The following PAK5 variants were observed in gnomAD, a reference collection of about 807,000 sequenced individuals.
PAK5 encodes the protein p21 (RAC1) activated kinase 5, also known as serine/threonine-protein kinase PAK 5.
PAK5 carries 16 observed loss-of-function variants against 65.9 expected under a neutral mutation model. The observed-to-expected ratio is 0.24, with a 90% CI of 0.16 to 0.37. The LOEUF (loss-of-function observed/expected upper bound fraction) is 0.37. Among genes scored for constraint, PAK5 ranks in the 10% least tolerant of loss-of-function variants. PAK5 has a pLI of 1.00. For missense variants in PAK5, 785 were observed against 903.9 expected (o/e 0.87, Z 1.69); for synonymous variants, 371 against 354.9 (o/e 1.05, Z -0.51).
intron 1 of PAK5, among the ~76,000 whole-genome samples, chr20:9,826,714 AT>A (rs1460107688): frequency 6.6e-6 from 1 of 152,108 alleles, no homozygotes; most frequent in East Asian, 1.9e-4. Flanking sequence ...TTTCTTCCTC[AT>A]TTTATAGTGC....
chr20:9,652,536 C>A (rs1052294071), intron 2 of PAK5, among the ~76,000 whole-genome samples: 4 of 152,220 alleles, frequency 2.6e-5, no homozygotes, highest in African/African-American at 9.6e-5. Flanking sequence ...ATTGGACAGT[C>A]ACTATGTTCC....
At chr20:9,743,836 C>T (rs560051602) in intron 1 of PAK5, among the ~76,000 whole-genome samples, 4 of 152,232 alleles carry the variant, frequency 2.6e-5, no homozygotes, top group Admixed American at 6.5e-5. Context: ...ATTCCTGGAA[C>T]GCATAAGTTT....
rs143329729 is a variant in PAK5 at position 9,574,217 on chromosome 20, C to G, written c.990+5928G>C. Among the ~76,000 whole-genome samples the G allele has an allele frequency of 5.0e-3, 754 of 152,218 alleles. 7 individuals are homozygous for G. The highest frequency in any genetic ancestry group is 0.016 in the African/African-American group (674 of 41,498). On this transcript the variant is annotated intron_variant, in intron 4 of 9. Transcript: ENST00000353224. ...AACTCGTCTGTCTCTCTGGTTGTGC[C>G]CTGCAAATGCACACTGAGAGTTGGA...
At position 9,565,865 on chromosome 20, in the gene PAK5, G is replaced by C. The variant is rs376790900; in HGVS notation, c.1482+28C>G. On this transcript the variant is annotated intron_variant, in intron 5 of 9. Coordinates refer to ENST00000353224, the MANE Select transcript of PAK5 (RefSeq NM_177990.4). The stretch of plus-strand genomic sequence containing the variant: ...TGGGAAATAAATGTTACAAAGGAGA[G>C]AAAGGATGACCCAAACACACTCTTT... The C allele has an allele frequency of 4.4e-6, 7 of 1,580,508 alleles. No homozygotes were observed. In the African/African-American group the frequency reaches 9.5e-5, roughly 21 times the overall value.
intron 1 of PAK5, among the ~76,000 whole-genome samples, chr20:9,785,097 A>ATCATATATC (rs2048979326): frequency 1.3e-5 from 2 of 152,032 alleles, no homozygotes; most frequent in Admixed American, 6.6e-5. Context: ...TATCAAGTTA[A>ATCATATATC]AACTTTAATC....
chr20:9,712,779 G>A (rs1281937955), intron 1 of PAK5, among the ~76,000 whole-genome samples: 1 of 152,092 alleles, frequency 6.6e-6, no homozygotes, highest in African/African-American at 2.4e-5. Context: ...AGGACAGTCT[G>A]TTTAATAAAT....
At chr20:9,785,501 T>C (rs1312548248) in intron 1 of PAK5, among the ~76,000 whole-genome samples, 1 of 152,198 alleles carries the variant, frequency 6.6e-6, no homozygotes, top group Non-Finnish European at 1.5e-5. Flanking sequence ...TCTTTTCCAC[T>C]CTTTGTATTT....
intron 3 of PAK5, among the ~76,000 whole-genome samples, chr20:9,639,652 T>C (rs1312759085): frequency 6.6e-6 from 1 of 152,276 alleles, no homozygotes; most frequent in African/African-American, 2.4e-5. Context: ...CTATAACTAA[T>C]ATTTTAGTCT....
intron 1 of PAK5, among the ~76,000 whole-genome samples, chr20:9,775,209 G>T (rs2048875302): frequency 6.6e-6 from 1 of 151,992 alleles, no homozygotes; most frequent in Admixed American, 6.6e-5. Flanking sequence ...TGTGTCATAG[G>T]GCTATAAAAT....
At chr20:9,712,106 G>A (rs1005258994) in intron 1 of PAK5, among the ~76,000 whole-genome samples, 1 of 152,084 alleles carries the variant, frequency 6.6e-6, no homozygotes, top group Non-Finnish European at 1.5e-5. Flanking sequence ...ATTGTGCTTA[G>A]GAACATGAGA....
At chr20:9,620,753 G>A (rs757715622) in intron 3 of PAK5, among the ~76,000 whole-genome samples, 134 of 152,232 alleles carry the variant, frequency 8.8e-4, no homozygotes, top group Non-Finnish European at 1.6e-3. Context: ...AGATGGTGGA[G>A]GAAGAGAGGG....
At chr20:9,826,156 T>G (rs1222380454) in intron 1 of PAK5, among the ~76,000 whole-genome samples, 11 of 152,196 alleles carry the variant, frequency 7.2e-5, no homozygotes, top group Non-Finnish European at 1.3e-4. Flanking sequence ...TGTGTCTGTA[T>G]TTGTGTGTGT....
chr20:9,605,727 G>C (rs950632863), intron 3 of PAK5, among the ~76,000 whole-genome samples: 1 of 152,134 alleles, frequency 6.6e-6, no homozygotes, highest in African/African-American at 2.4e-5. Context: ...CCAGGAGTTA[G>C]AGACCAGCCT....
chr20:9,556,651 T>C (rs947186563), intron 7 of PAK5, among the ~76,000 whole-genome samples: 1 of 152,218 alleles, frequency 6.6e-6, no homozygotes, highest in African/African-American at 2.4e-5. Context: ...TGTCAACTGG[T>C]TATTTCCTTG....
intron 3 of PAK5, among the ~76,000 whole-genome samples, chr20:9,582,048 T>C (rs913704063): frequency 2.7e-4 from 41 of 152,180 alleles, no homozygotes; most frequent in African/African-American, 9.6e-4. Flanking sequence ...AATAGTTTTG[T>C]ACTATACCCT....
Position 9,564,036 on chromosome 20 carries a change from C to A in PAK5, c.1483-1012G>T, listed in dbSNP as rs8120683. 3.7e-3 allele frequency among the ~76,000 whole-genome samples: 560 copies of A among 152,222 alleles called. 1 individual carries two copies. The highest frequency in any genetic ancestry group is 0.012 in the South Asian group (58 of 4,822). On this transcript the variant is annotated intron_variant, in intron 5 of 9. Transcript: ENST00000353224. ...TAGAAAGACAAAGAGGTCAAGCAGC[C>A]GTAGATTGTTCTGGGAGTTAGAAGA...
chr20:9,657,281 C>T (rs893103624), intron 2 of PAK5, among the ~76,000 whole-genome samples: 3 of 152,184 alleles, frequency 2.0e-5, no homozygotes, highest in Non-Finnish European at 2.9e-5. Context: ...TCCCTCTCAG[C>T]ACGAGGCCCT....
intron 3 of PAK5, among the ~76,000 whole-genome samples, chr20:9,609,391 A>T (rs981815116): frequency 3.3e-5 from 5 of 152,162 alleles, no homozygotes; most frequent in African/African-American, 1.2e-4. Flanking sequence ...TCACAGTTTA[A>T]CCTCGCATAG....
chr20:9,723,725 C>T (rs1234253858), intron 1 of PAK5, among the ~76,000 whole-genome samples: 12 of 152,084 alleles, frequency 7.9e-5, no homozygotes, highest in African/African-American at 1.7e-4. Flanking sequence ...GCCCTGGTCA[C>T]CCTGGGCAAA....
Sources: gnomAD v4.1 joint callset for allele counts (sites outside exome capture counted in the v4.1 genomes callset) on GRCh38, gnomAD v4.1.1 for gene constraint, MANE v1.5 for transcripts, NCBI Gene and HGNC (gene_info 2026-07-23, HGNC 2026-07-21) for gene names.